The following DNAH9 variants were observed in gnomAD, a reference collection of about 807,000 sequenced individuals.
The protein encoded by DNAH9 is DNAH9 variant protein.
Under a neutral mutation model 471.6 loss-of-function variants are expected in DNAH9, and 345 were observed. The ratio of observed to expected loss-of-function variants is 0.73; its 90% CI spans 0.67 to 0.80. The LOEUF (loss-of-function observed/expected upper bound fraction) is 0.80. DNAH9 is among the 30% of genes least tolerant of loss of function. The pLI, the probability that DNAH9 is intolerant of heterozygous loss-of-function variation, is 0.00. For synonymous variants in DNAH9, 2,093 were observed against 2,123.6 expected, an observed-to-expected ratio of 0.99 and a Z score of 0.40; for missense variants, 5,407 against 5,609.2, an observed-to-expected ratio of 0.96 and a Z score of 1.15.
intron 6 of DNAH9, among the ~76,000 whole-genome samples, chr17:11,621,671 C>T (rs1224366344): frequency 6.6e-6 from 1 of 152,120 alleles, no homozygotes; most frequent in African/African-American, 2.4e-5. Context: ...ATGCGATTTC[C>T]CTGTAAGAGG....
intron 28 of DNAH9, among the ~76,000 whole-genome samples, chr17:11,738,046 A>G (rs2075375706): frequency 6.6e-6 from 1 of 152,258 alleles, no homozygotes; most frequent in Non-Finnish European, 1.5e-5. Context: ...AATACCTGAA[A>G]GCACAGGCTG....
At chr17:11,776,464 T>A (rs8077576) in intron 38 of DNAH9, among the ~76,000 whole-genome samples, 12,005 of 151,968 alleles carry the variant, frequency 0.079, 826 homozygotes, top group African/African-American at 0.19. Flanking sequence ...AAACTGTGCC[T>A]CATGACCACC....
intron 8 of DNAH9, among the ~76,000 whole-genome samples, chr17:11,636,179 T>C (rs1433562449): frequency 6.6e-6 from 1 of 152,136 alleles, no homozygotes; most frequent in African/African-American, 2.4e-5. Flanking sequence ...CTAATTTTTG[T>C]ATTTTTAGTA....
At chr17:11,633,295 G>C (rs2073102661) in intron 8 of DNAH9, among the ~76,000 whole-genome samples, 1 of 152,208 alleles carries the variant, frequency 6.6e-6, no homozygotes, top group Non-Finnish European at 1.5e-5. Context: ...GGCTTATTCT[G>C]TAAAGCTTTA....
intron 63 of DNAH9, among the ~76,000 whole-genome samples, chr17:11,931,731 A>C (rs1290075300): frequency 6.6e-6 from 1 of 152,132 alleles, no homozygotes; most frequent in South Asian, 2.1e-4. Context: ...TGTCACCCTG[A>C]TCCCCATCAG....
intron 26 of DNAH9, among the ~76,000 whole-genome samples, chr17:11,707,595 G>A (rs985497174): frequency 8.0e-5 from 12 of 150,566 alleles, no homozygotes; most frequent in African/African-American, 2.0e-4. Context: ...AGGAGAGTCC[G>A]ACTCGAACTG....
intron 50 of DNAH9, among the ~76,000 whole-genome samples, chr17:11,865,819 T>C (rs1226478705): frequency 6.6e-6 from 1 of 152,264 alleles, no homozygotes; most frequent in Non-Finnish European, 1.5e-5. Flanking sequence ...CATTGGCTCC[T>C]GAGGCTTCTG....
chr17:11,713,364 T>C (rs1041918116), intron 26 of DNAH9, among the ~76,000 whole-genome samples: 58 of 152,282 alleles, frequency 3.8e-4, no homozygotes, highest in African/African-American at 1.3e-3. Context: ...AATGAACATA[T>C]GCATGCATGT....
chr17:11,949,528 C>T (rs1220910264), intron 67 of DNAH9, among the ~76,000 whole-genome samples: 1 of 151,228 alleles, frequency 6.6e-6, no homozygotes, highest in African/African-American at 2.4e-5. Flanking sequence ...GTTGTCCAGG[C>T]TGGAGTGCAA....
chr17:11,753,020 G>C, intron 33 of DNAH9, 60 bp downstream of exon 33: 1 of 1,404,600 alleles, frequency 7.1e-7, no homozygotes, highest in South Asian at 1.5e-5. Flanking sequence ...CAGTCACCCA[G>C]TGTGGCAGGC....
intron 19 of DNAH9, among the ~76,000 whole-genome samples, chr17:11,682,614 A>T (rs972596260): frequency 6.6e-6 from 1 of 151,990 alleles, no homozygotes; most frequent in Non-Finnish European, 1.5e-5. Context: ...TATATAAAAC[A>T]TATGACTCTA....
intron 49 of DNAH9, among the ~76,000 whole-genome samples, chr17:11,845,980 T>C (rs1567843737): frequency 6.6e-6 from 1 of 151,926 alleles, no homozygotes; most frequent in Non-Finnish European, 1.5e-5. Context: ...GTAGTTTCTT[T>C]TGCTGTGCAG....
At chr17:11,723,323 C>T (rs1246412841) in intron 27 of DNAH9, 1 of 152,238 alleles carries the variant, frequency 6.6e-6, no homozygotes, top group East Asian at 1.9e-4. Flanking sequence ...TCCTTCCTTC[C>T]CTACCTCTAA....
intron 36 of DNAH9, among the ~76,000 whole-genome samples, chr17:11,767,052 CCAATTATAGTA>C (rs1967974819): frequency 6.6e-6 from 1 of 152,012 alleles, no homozygotes; most frequent in Non-Finnish European, 1.5e-5. Context: ...TTTACAGTGT[CCAATTATAGTA>C]CAAGGTGCGG....
In DNAH9 at chr17:11,698,269, A is replaced by G. The variant is rs1021616183; in HGVS notation, c.4873-1462A>G. ...TAATATATTAATATATAATAATTAT[A>G]TAATATATTATATATTAATAATTAT... On this transcript the variant is annotated intron_variant, in intron 22 of 68. Transcript: ENST00000262442. 5.3e-4 allele frequency among the ~76,000 whole-genome samples: 71 copies of G among 133,880 alleles called. 1 individual carries two copies. The East Asian group carries it at 8.5e-3, about 16-fold the overall frequency. 87.8% of individuals were successfully genotyped at this position (133,880 alleles called of 152,430 possible).
At chr17:11,960,062 T>C (rs924433300) in intron 67 of DNAH9, among the ~76,000 whole-genome samples, 7 of 152,228 alleles carry the variant, frequency 4.6e-5, no homozygotes, top group Admixed American at 4.6e-4. Flanking sequence ...TTATTTCTTA[T>C]AAATCAGGAG....
chr17:11,745,088 C>T lies in DNAH9; in HGVS notation c.6399+4C>T. 1.2e-6 allele frequency: 2 copies of T among 1,604,256 alleles called. No homozygotes were observed. Among genetic ancestry groups the T allele is most frequent in the Non-Finnish European group, 1.7e-6 (2 of 1,173,306 alleles). On this transcript the variant is annotated splice_donor_region_variant and intron_variant, in intron 31 of 68. Coordinates refer to ENST00000262442, the MANE Select transcript of DNAH9 (RefSeq NM_001372.4). ...TGAGGACAACTTTGTGCTCAAGGTACATGTGGTTTTTCCTCCCAGGATTTC... is the reference window on the plus strand; with the variant it reads ...TGAGGACAACTTTGTGCTCAAGGTATATGTGGTTTTTCCTCCCAGGATTTC...
intron 21 of DNAH9, 101 bp from the exon 22 acceptor site, chr17:11,694,220 C>A: frequency 7.3e-7 from 1 of 1,362,180 alleles, no homozygotes; most frequent in Non-Finnish European, 1.0e-6. Flanking sequence ...TGTGCTAATG[C>A]ATATGTTCCG....
rs2074587012 is a variant in DNAH9 at position 11,701,154 on chromosome 17, C to T, written c.5058C>T (p.His1686=). The T allele has an allele frequency of 5.0e-6, 8 of 1,614,138 alleles. No homozygotes were observed. The highest frequency in any genetic ancestry group is 1.3e-5 in the African/African-American group (1 of 75,060). ...TATGGCTGAACCATGTCCTTGGTCA[C>T]ATGAAGGCCACTGTGAGGCATGAGA... The part of the protein sequence containing the change: ...VEIWLNHVLG[H]MKATVRHEMT... Residue 1686 remains histidine (H), a synonymous_variant, in exon 24 of 69, where the codon CAC becomes CAT. Transcript: ENST00000262442.
Sources: gnomAD v4.1 joint callset for allele counts (sites outside exome capture counted in the v4.1 genomes callset) on GRCh38, gnomAD v4.1.1 for gene constraint, MANE v1.5 for transcripts, NCBI Gene and HGNC (gene_info 2026-07-23, HGNC 2026-07-21) for gene names.